PCDH9: variants seen among roughly 807,000 people sequenced by gnomAD.
PCDH9 encodes the protein protocadherin-9.
A neutral mutation model predicts 70.6 loss-of-function variants in PCDH9; 24 were observed. The ratio of observed to expected loss-of-function variants is 0.34; its 90% CI spans 0.25 to 0.48. The LOEUF is 0.48. Ranked by LOEUF, PCDH9 falls within the 20% of genes least tolerant of loss-of-function variation. The probability of loss-of-function intolerance (pLI) is 0.99; values close to 1 mark genes in which losing one functional copy is unlikely to be tolerated. For missense variants in PCDH9, 1,281 were observed against 1,503.6 expected (o/e 0.85, Z 2.45); for synonymous variants, 562 against 558.5 (o/e 1.01, Z -0.09).
intron 4 of PCDH9, among the ~76,000 whole-genome samples, chr13:66,566,427 C>A (rs2076653219): frequency 6.6e-6 from 1 of 152,068 alleles, no homozygotes. Context: ...GCAAGTCTCC[C>A]TTAGATATTT....
chr13:67,005,729 G>T (rs1338079186), intron 2 of PCDH9, among the ~76,000 whole-genome samples: 1 of 152,132 alleles, frequency 6.6e-6, no homozygotes, highest in African/African-American at 2.4e-5. Flanking sequence ...AATGCATTTA[G>T]CTAGGTAACA....
At chr13:66,779,186 T>C (rs2079949583) in intron 3 of PCDH9, among the ~76,000 whole-genome samples, 1 of 152,098 alleles carries the variant, frequency 6.6e-6, no homozygotes, top group Non-Finnish European at 1.5e-5. Flanking sequence ...CAGTGGCTTT[T>C]TTTTTTTAAC....
At chr13:66,637,503 C>T (rs898303254) in intron 3 of PCDH9, among the ~76,000 whole-genome samples, 9 of 152,050 alleles carry the variant, frequency 5.9e-5, no homozygotes, top group African/African-American at 2.2e-4. Flanking sequence ...GTCATTTTAT[C>T]ATTTGTAACT....
At chr13:67,037,172 G>T (rs1224837547) in intron 2 of PCDH9, among the ~76,000 whole-genome samples, 3 of 152,146 alleles carry the variant, frequency 2.0e-5, no homozygotes, top group East Asian at 3.9e-4. Flanking sequence ...GGGGCTGAGG[G>T]TGTATAAATC....
intron 3 of PCDH9, among the ~76,000 whole-genome samples, chr13:66,759,148 C>CT (rs1177662531): frequency 5.3e-5 from 8 of 151,928 alleles, no homozygotes; most frequent in African/African-American, 1.9e-4. Context: ...TCAATATTTA[C>CT]TTTACATATG....
intron 3 of PCDH9, among the ~76,000 whole-genome samples, chr13:66,710,062 G>T (rs1280350850): frequency 6.6e-6 from 1 of 152,052 alleles, no homozygotes. Flanking sequence ...GCTATTAAGA[G>T]AAGTTTACAA....
chr13:66,551,777 C>T (rs967153546), intron 4 of PCDH9, among the ~76,000 whole-genome samples: 7 of 152,002 alleles, frequency 4.6e-5, no homozygotes, highest in Admixed American at 6.6e-5. Context: ...GTTAAAACCA[C>T]GTAGAATAAT....
At chr13:66,780,164 T>C (rs953125068) in intron 3 of PCDH9, among the ~76,000 whole-genome samples, 8 of 152,056 alleles carry the variant, frequency 5.3e-5, no homozygotes, top group Non-Finnish European at 8.8e-5. Flanking sequence ...TACTTCATTA[T>C]AGTAACCTCT....
At chr13:66,344,717 GAT>G (rs1956186866) in intron 4 of PCDH9, among the ~76,000 whole-genome samples, 1 of 152,002 alleles carries the variant, frequency 6.6e-6, no homozygotes. Flanking sequence ...TTATTTCTGA[GAT>G]ACTAAATATT....
Position 66,605,793 on chromosome 13 carries a change from CT to C in PCDH9, c.3340+25416del, listed in dbSNP as rs200934639. Among the ~76,000 whole-genome samples the C allele has an allele frequency of 4.9e-3, 739 of 151,640 alleles. 6 individuals carry two copies. Among genetic ancestry groups the C allele is most frequent in the African/African-American group, 0.017 (702 of 41,374 alleles). On this transcript the variant is annotated intron_variant, in intron 4 of 4. Transcript: ENST00000377865. ...ATCATGTGTGGCTTGAATGACTGTACTTTTTTTTTCTATAATTTCTAGTGTC... is the reference window on the plus strand; with the variant it reads ...ATCATGTGTGGCTTGAATGACTGTACTTTTTTTTCTATAATTTCTAGTGTC...
At chr13:66,355,505 T>G (rs1956367521) in intron 4 of PCDH9, among the ~76,000 whole-genome samples, 1 of 152,138 alleles carries the variant, frequency 6.6e-6, no homozygotes, top group African/African-American at 2.4e-5. Flanking sequence ...TTGTTTAAAA[T>G]GGCCTCAAGC....
intron 4 of PCDH9, among the ~76,000 whole-genome samples, chr13:66,432,880 G>A (rs1403168321): frequency 6.6e-6 from 1 of 151,940 alleles, no homozygotes; most frequent in East Asian, 1.9e-4. Context: ...AGTTCACATG[G>A]CTTCCCAATG....
chr13:66,630,826 T>C (rs1342674173), intron 4 of PCDH9: 1 of 155,052 alleles, frequency 6.4e-6, no homozygotes, highest in African/African-American at 2.4e-5. Context: ...TCAAATTTCA[T>C]AGGACATTTA....
At chr13:67,060,872 T>C (rs1381775942) in intron 2 of PCDH9, among the ~76,000 whole-genome samples, 1 of 152,120 alleles carries the variant, frequency 6.6e-6, no homozygotes, top group East Asian at 1.9e-4. Context: ...CTTTAAAGGC[T>C]TCCTTTAAGA....
intron 4 of PCDH9, among the ~76,000 whole-genome samples, chr13:66,584,016 C>T (rs563740994): frequency 1.8e-4 from 28 of 152,262 alleles, no homozygotes; most frequent in Admixed American, 9.2e-4. Flanking sequence ...CCAAAACCTA[C>T]GCCTCACAAG....
At chr13:67,174,171 A>G (rs2088375502) in intron 2 of PCDH9, among the ~76,000 whole-genome samples, 1 of 152,146 alleles carries the variant, frequency 6.6e-6, no homozygotes, top group Non-Finnish European at 1.5e-5. Context: ...CCTACATTCC[A>G]CATATACATA....
intron 4 of PCDH9, among the ~76,000 whole-genome samples, chr13:66,499,313 C>CTA (rs1228230666): frequency 1.3e-5 from 2 of 151,746 alleles, no homozygotes; most frequent in East Asian, 3.9e-4. Flanking sequence ...TCAAGAAGGT[C>CTA]TATATATAAC....
intron 3 of PCDH9, among the ~76,000 whole-genome samples, chr13:66,725,414 G>C (rs1336990383): frequency 6.6e-6 from 1 of 152,062 alleles, no homozygotes; most frequent in Non-Finnish European, 1.5e-5. Context: ...AGTCAGTTTG[G>C]CACTTATTTT....
chr13:66,671,652 G>T (rs1318792190), intron 3 of PCDH9, among the ~76,000 whole-genome samples: 1 of 152,136 alleles, frequency 6.6e-6, no homozygotes, highest in Admixed American at 6.5e-5. Flanking sequence ...TTTTGCCCCT[G>T]CCCTAGAAAT....
Sources: gnomAD v4.1 joint callset for allele counts (sites outside exome capture counted in the v4.1 genomes callset) on GRCh38, gnomAD v4.1.1 for gene constraint, MANE v1.5 for transcripts, NCBI Gene and HGNC (gene_info 2026-07-23, HGNC 2026-07-21) for gene names.